ATP13A4: variants seen among roughly 807,000 people sequenced by gnomAD.
The protein encoded by ATP13A4 is probable cation-transporting ATPase 13A4.
A neutral mutation model predicts 142.5 loss-of-function variants in ATP13A4; 114 were observed. The ratio of observed to expected loss-of-function variants is 0.80; its 90% CI spans 0.69 to 0.93. The LOEUF is 0.93. Among genes scored for constraint, ATP13A4 ranks in the 40% least tolerant of loss-of-function variants. The pLI is 0.00. For missense variants in ATP13A4, 1,392 were observed against 1,454.0 expected (o/e 0.96, Z 0.69); for synonymous variants, 488 against 514.8 (o/e 0.95, Z 0.70).
chr3:193,498,254 T>TA (rs1198339908), intron 3 of ATP13A4, among the ~76,000 whole-genome samples: 1 of 147,358 alleles, frequency 6.8e-6, no homozygotes, highest in Non-Finnish European at 1.5e-5. Context: ...ATTAAACCAG[T>TA]AAAAAAAAGA....
chr3:193,495,641 T>A lies in ATP13A4; in HGVS notation c.382-2481A>T, dbSNP rs79717337. 2.2e-4 allele frequency among the ~76,000 whole-genome samples: 34 copies of A among 152,238 alleles called. No individual in the cohort carries two copies. The East Asian group carries it at 6.0e-3, about 27-fold the overall frequency. The stretch of plus-strand genomic sequence containing the variant: ...TAATATCATACAAAATTGGAAAATA[T>A]TGAAAGTTTTTCCTCTAAGACCTAG... On this transcript the variant is annotated intron_variant, in intron 3 of 29. Transcript: ENST00000342695.
intron 8 of ATP13A4, among the ~76,000 whole-genome samples, chr3:193,474,319 T>C (rs1718797119): frequency 1.9e-5 from 1 of 53,632 alleles, no homozygotes; most frequent in African/African-American, 9.4e-5. Flanking sequence ...CGAGACTCCG[T>C]CTCAAAAAAA....
chr3:193,465,896 G>T (rs535809528), intron 11 of ATP13A4, 129 bp downstream of exon 11: 3 of 1,058,134 alleles, frequency 2.8e-6, no homozygotes, highest in Admixed American at 3.8e-5. Context: ...AAGTCTATAC[G>T]TAGGCATCAG....
chr3:193,537,842 C>T (rs945791076), intron 1 of ATP13A4, among the ~76,000 whole-genome samples: 3 of 152,024 alleles, frequency 2.0e-5, no homozygotes, highest in Admixed American at 1.3e-4. Flanking sequence ...GGAAAAAAAG[C>T]CAGTGTTAAA....
At chr3:193,535,178 A>G (rs1722529203) in intron 1 of ATP13A4, among the ~76,000 whole-genome samples, 1 of 152,194 alleles carries the variant, frequency 6.6e-6, no homozygotes, top group Non-Finnish European at 1.5e-5. Context: ...TCATCAACCG[A>G]CAGAACTTAA....
At chr3:193,408,411 C>G in intron 28 of ATP13A4, among the ~76,000 whole-genome samples, 1 of 152,116 alleles carries the variant, frequency 6.6e-6, no homozygotes, top group East Asian at 1.9e-4. Flanking sequence ...TATGCATTTA[C>G]ATAAAATATT....
intron 8 of ATP13A4, among the ~76,000 whole-genome samples, chr3:193,479,575 C>A (rs1404756204): frequency 6.6e-6 from 1 of 151,994 alleles, no homozygotes; most frequent in Non-Finnish European, 1.5e-5. Flanking sequence ...AGGTGAATGA[C>A]CTCTATAAGG....
At chr3:193,471,269 G>A (rs1326739333) in intron 8 of ATP13A4, among the ~76,000 whole-genome samples, 1 of 152,016 alleles carries the variant, frequency 6.6e-6, no homozygotes, top group Non-Finnish European at 1.5e-5. Context: ...CAGATAAAAG[G>A]TTAATATTCC....
chr3:193,571,186 G>A (rs765463140), intron 2 of ATP13A4, among the ~76,000 whole-genome samples: 3 of 150,508 alleles, frequency 2.0e-5, no homozygotes, highest in Non-Finnish European at 4.4e-5. Context: ...GCTGAGGCAG[G>A]AGAATTGTTT....
Position 193,470,938 on chromosome 3 carries a change from C to T in ATP13A4, c.864G>A (p.Leu288=), listed in dbSNP as rs1156481282. The T allele has an allele frequency of 7.4e-6, 12 of 1,614,124 alleles. No homozygotes were observed. The highest frequency in any genetic ancestry group is 1.0e-5 in the Non-Finnish European group (12 of 1,180,026). The stretch of plus-strand genomic sequence containing the variant: ...ATGGCATTAGCACTTTGTTCCCTGT[C>T]AAAATTAATAAATCTCCAGGCACCA... The part of the protein sequence containing the change: ...RVLVPGDLLI[L]TGNKVLMPCD... Residue 288 remains leucine, a synonymous_variant, in exon 9 of 30, where the codon TTG becomes TTA. Coordinates refer to ENST00000342695, the MANE Select transcript of ATP13A4 (RefSeq NM_032279.4).
intron 2 of ATP13A4, among the ~76,000 whole-genome samples, chr3:193,507,865 TAAC>T (rs1257334161): frequency 1.3e-5 from 2 of 152,136 alleles, no homozygotes; most frequent in East Asian, 3.9e-4. Context: ...CAGCCCCGGT[TAAC>T]AGAAAAAAAA....
At chr3:193,502,711 A>T in intron 2 of ATP13A4, 72 bp from the exon 3 acceptor site, 1 of 1,420,190 alleles carries the variant, frequency 7.0e-7, no homozygotes, top group Non-Finnish European at 9.9e-7. Flanking sequence ...CCTGAGAAAC[A>T]TCATTTTAAT....
At chr3:193,480,063 T>C (rs543576948) in intron 8 of ATP13A4, among the ~76,000 whole-genome samples, 22 of 152,224 alleles carry the variant, frequency 1.4e-4, no homozygotes, top group East Asian at 1.2e-3. Flanking sequence ...GCAAGCCACA[T>C]GTAGAGAATG....
At chr3:193,587,259 A>G (rs183689668) in intron 1 of ATP13A4, among the ~76,000 whole-genome samples, 2 of 152,258 alleles carry the variant, frequency 1.3e-5, no homozygotes, top group Non-Finnish European at 2.9e-5. Context: ...TCAAGGTGCT[A>G]GCAGGGCTGC....
intron 1 of ATP13A4, among the ~76,000 whole-genome samples, chr3:193,590,633 C>A (rs2108750781): frequency 6.6e-6 from 1 of 152,292 alleles, no homozygotes; most frequent in East Asian, 1.9e-4. Context: ...TCCTTTCTTT[C>A]AAGTTAAACT....
At chr3:193,557,155 A>G (rs1373016574), upstream of ATP13A4, among the ~76,000 whole-genome samples, 1 of 152,242 alleles carries the variant, frequency 6.6e-6, no homozygotes, top group Non-Finnish European at 1.5e-5. Context: ...ATGCTGCTAC[A>G]ATATTTAAGC....
chr3:193,514,834 C>A lies in ATP13A4; in HGVS notation c.98G>T (p.Ser33Ile). 3.7e-6 allele frequency: 6 copies of A among 1,614,194 alleles called. No homozygotes were observed. In the South Asian group the frequency reaches 5.5e-5, roughly 15 times the overall value. ...GAAGATGGATCCGGCAAGGCAGAGA[C>A]TTTTCCGGCAGCCTTGAGTCCGATA... ...FGYRTQGCRK[S>I]LCLAGSIFSF... Residue 33 changes from serine to isoleucine, a missense_variant, in exon 2 of 30, where the codon AGT becomes ATT. By Grantham distance (142) the Ser-to-Ile change is moderately radical (BLOSUM62 -2). Transcript: ENST00000342695.
chr3:193,521,589 A>G (rs779391114), intron 1 of ATP13A4, among the ~76,000 whole-genome samples: 20 of 152,218 alleles, frequency 1.3e-4, no homozygotes, highest in Non-Finnish European at 2.6e-4. Flanking sequence ...TAGTTTGTGT[A>G]CGCTACTCTA....
At chr3:193,417,904 C>G (rs1715162273) in intron 25 of ATP13A4, among the ~76,000 whole-genome samples, 1 of 147,202 alleles carries the variant, frequency 6.8e-6, no homozygotes, top group South Asian at 2.2e-4. Context: ...GGGCGGATCA[C>G]AAGGTCAGGA....
Sources: gnomAD v4.1 joint callset for allele counts (sites outside exome capture counted in the v4.1 genomes callset) on GRCh38, gnomAD v4.1.1 for gene constraint, MANE v1.5 for transcripts, NCBI Gene and HGNC (gene_info 2026-07-23, HGNC 2026-07-21) for gene names.